Variants in COL4A2 observed in about 807,000 individuals in gnomAD.
The protein encoded by COL4A2 is collagen alpha-2(IV) chain.
Under a neutral mutation model 200.2 loss-of-function variants are expected in COL4A2, and 99 were observed. That is an observed-to-expected ratio of 0.49 (90% CI 0.42 to 0.58). COL4A2 has a LOEUF of 0.58. Ranked by LOEUF, COL4A2 falls within the 20% of genes least tolerant of loss-of-function variation. COL4A2 has a pLI of 0.00. For missense variants in COL4A2, 1,950 were observed against 2,314.1 expected, an observed-to-expected ratio of 0.84 and a Z score of 3.23; for synonymous variants, 897 against 900.6, an observed-to-expected ratio of 1.00 and a Z score of 0.07.
chr13:110,401,741 C>A (rs1455413533), intron 4 of COL4A2, among the ~76,000 whole-genome samples: 1 of 152,118 alleles, frequency 6.6e-6, no homozygotes, highest in Non-Finnish European at 1.5e-5. Flanking sequence ...AACAAAAATA[C>A]CTTAGGCTGG....
intron 3 of COL4A2, among the ~76,000 whole-genome samples, chr13:110,334,869 T>A (rs1295951666): frequency 6.6e-6 from 1 of 152,134 alleles, no homozygotes; most frequent in Non-Finnish European, 1.5e-5. Context: ...CCAGGGAAAA[T>A]GCTGAACGTT....
intron 3 of COL4A2, among the ~76,000 whole-genome samples, chr13:110,339,896 A>G (rs181660725): frequency 3.9e-5 from 6 of 152,380 alleles, no homozygotes; most frequent in Admixed American, 1.3e-4. Flanking sequence ...ATGAAGCTGT[A>G]TAAACTCATA....
chr13:110,437,189 G>A (rs1390553309), intron 13 of COL4A2, among the ~76,000 whole-genome samples: 1 of 152,240 alleles, frequency 6.6e-6, no homozygotes, highest in Non-Finnish European at 1.5e-5. Flanking sequence ...CAGGACCACT[G>A]CCTTGTGGGG....
At chr13:110,506,722 G>A (rs1016514133) in intron 46 of COL4A2, 116 bp downstream of exon 46, 11 of 1,110,564 alleles carry the variant, frequency 9.9e-6, no homozygotes, top group Admixed American at 6.0e-5. Flanking sequence ...TTCCCCTGAC[G>A]GAAGGGTCCA....
intron 3 of COL4A2, among the ~76,000 whole-genome samples, chr13:110,316,585 G>A (rs778590093): frequency 1.3e-5 from 2 of 152,192 alleles, no homozygotes; most frequent in Non-Finnish European, 1.5e-5. Context: ...AGAGCATCCT[G>A]AAGATGCTTC....
intron 14 of COL4A2, 120 bp from the exon 15 acceptor site, chr13:110,438,498 G>A (rs376067038): frequency 4.8e-5 from 64 of 1,326,262 alleles, no homozygotes; most frequent in South Asian, 1.1e-4. Flanking sequence ...ATCGCCAGGC[G>A]GTCTGGACAC....
At chr13:110,477,200 A>G (rs1206042745) in intron 29 of COL4A2, among the ~76,000 whole-genome samples, 3 of 152,136 alleles carry the variant, frequency 2.0e-5, no homozygotes, top group Non-Finnish European at 4.4e-5. Context: ...AAAAGAAAGA[A>G]AGAAAGAAAA....
At chr13:110,322,448 A>C (rs1274682545) in intron 3 of COL4A2, among the ~76,000 whole-genome samples, 1 of 152,146 alleles carries the variant, frequency 6.6e-6, no homozygotes, top group Non-Finnish European at 1.5e-5. Context: ...ACCAGACCTA[A>C]AGCAGTTCTC....
intron 4 of COL4A2, among the ~76,000 whole-genome samples, chr13:110,376,109 T>C (rs567328558): frequency 1.3e-5 from 2 of 152,154 alleles, no homozygotes; most frequent in Non-Finnish European, 1.5e-5. Context: ...ATTCACTGGC[T>C]TAGGGATATT....
At chr13:110,444,206 C>G (rs947954702) in intron 16 of COL4A2, among the ~76,000 whole-genome samples, 3 of 152,168 alleles carry the variant, frequency 2.0e-5, no homozygotes, top group African/African-American at 7.2e-5. Flanking sequence ...TGTCTTGGAC[C>G]CTTCAGCAGA....
At chr13:110,330,539 A>C (rs965618138) in intron 3 of COL4A2, among the ~76,000 whole-genome samples, 1 of 152,220 alleles carries the variant, frequency 6.6e-6, no homozygotes, top group Admixed American at 6.5e-5. Context: ...AAAAGAGGAT[A>C]AACCTCCTCA....
intron 31 of COL4A2, among the ~76,000 whole-genome samples, chr13:110,481,562 A>T (rs113779720): frequency 3.1e-3 from 204 of 66,632 alleles, no homozygotes; most frequent in Admixed American, 0.025. Context: ...CTGTCCTTCC[A>T]TTGCTGGAGA....
chr13:110,364,782 TC>T (rs1877671632), intron 4 of COL4A2, among the ~76,000 whole-genome samples: 1 of 152,184 alleles, frequency 6.6e-6, no homozygotes, highest in African/African-American at 2.4e-5. Flanking sequence ...CCCCAGATCC[TC>T]CCTCTACCCC....
At chr13:110,371,607 A>T (rs1878011181) in intron 4 of COL4A2, among the ~76,000 whole-genome samples, 3 of 152,090 alleles carry the variant, frequency 2.0e-5, no homozygotes, top group Admixed American at 2.0e-4. Context: ...TTTAAAATTT[A>T]TCATGTTTTT....
intron 29 of COL4A2, among the ~76,000 whole-genome samples, chr13:110,474,797 ACT>A (rs1183523868): frequency 6.1e-5 from 9 of 146,912 alleles, no homozygotes; most frequent in East Asian, 2.0e-4. Flanking sequence ...GCCTGTGTAC[ACT>A]CACACATGAT....
intron 24 of COL4A2, among the ~76,000 whole-genome samples, chr13:110,464,947 C>T (rs1339372825): frequency 6.6e-6 from 1 of 152,116 alleles, no homozygotes; most frequent in African/African-American, 2.4e-5. Flanking sequence ...ACTTCTGAGG[C>T]GCACACGGCT....
At position 110,312,926 on chromosome 13, in the gene COL4A2, G is replaced by A. The variant is rs75900164; in HGVS notation, c.99+4803G>A. On this transcript the variant is annotated intron_variant, in intron 3 of 47. Coordinates refer to ENST00000360467, the MANE Select transcript of COL4A2 (RefSeq NM_001846.4). ...ATCTCTCAGGTGATCAACATACCAT[G>A]AGTAAGTTAGAGGTCAGCAGTGAGG... 6.9e-4 allele frequency among the ~76,000 whole-genome samples: 105 copies of A among 152,362 alleles called. 1 individual carries two copies. The highest frequency in any genetic ancestry group is 2.4e-3 in the African/African-American group (100 of 41,576).
At chr13:110,327,111 A>G (rs1341905570) in intron 3 of COL4A2, among the ~76,000 whole-genome samples, 1 of 152,034 alleles carries the variant, frequency 6.6e-6, no homozygotes, top group Non-Finnish European at 1.5e-5. Context: ...GCCTGTCCCC[A>G]GCACACACAC....
intron 29 of COL4A2, among the ~76,000 whole-genome samples, chr13:110,475,574 TA>T (rs1416423594): frequency 1.3e-5 from 2 of 152,248 alleles, no homozygotes; most frequent in Non-Finnish European, 2.9e-5. Context: ...ATGTTACCTT[TA>T]TGACAAGCTT....
Sources: gnomAD v4.1 joint callset for allele counts (sites outside exome capture counted in the v4.1 genomes callset) on GRCh38, gnomAD v4.1.1 for gene constraint, MANE v1.5 for transcripts, NCBI Gene and HGNC (gene_info 2026-07-23, HGNC 2026-07-21) for gene names.